STOM: variants seen among roughly 807,000 people sequenced by gnomAD.
STOM encodes erythrocyte band 7 integral membrane protein.
STOM carries 25 observed loss-of-function variants against 30.6 expected under a neutral mutation model. That is an observed-to-expected ratio of 0.82 (90% CI 0.60 to 1.14). The LOEUF is 1.14. Ranked by LOEUF, STOM falls within the 50% of genes most tolerant of loss-of-function variation. The probability of loss-of-function intolerance (pLI) is 0.00; values close to 1 mark genes in which losing one functional copy is unlikely to be tolerated. For synonymous variants in STOM, 118 were observed against 130.8 expected, an observed-to-expected ratio of 0.90 and a Z score of 0.67; for missense variants, 292 against 365.2, an observed-to-expected ratio of 0.80 and a Z score of 1.63.
Position 121,341,001 on chromosome 9 carries a change from C to A in STOM, c.*201G>T. On this transcript the variant is annotated 3_prime_UTR_variant, in exon 7 of 7. Transcript: ENST00000286713. The stretch of plus-strand genomic sequence containing the variant: ...ATACAAACTTTTAACTATTTTAAGA[C>A]TAACAGATTACCTTATATAAATCAC... The A allele has an allele frequency of 7.0e-7, 1 of 1,419,492 alleles. No homozygotes were observed. The highest frequency in any genetic ancestry group is 9.2e-7 in the Non-Finnish European group (1 of 1,091,340). 87.9% of individuals were successfully genotyped at this position (1,419,492 alleles called of 1,614,324 possible).
chr9:121,361,125 A>T (rs1331320018), intron 1 of STOM, among the ~76,000 whole-genome samples: 2 of 152,192 alleles, frequency 1.3e-5, no homozygotes, highest in Non-Finnish European at 2.9e-5. Flanking sequence ...TCTTAATTCC[A>T]GCTGTGTCTA....
chr9:121,352,491 C>T (rs927177941), intron 4 of STOM, among the ~76,000 whole-genome samples: 3 of 152,122 alleles, frequency 2.0e-5, no homozygotes, highest in African/African-American at 7.2e-5. Flanking sequence ...TCAAGTTTTG[C>T]TTTTTGGAAC....
intron 6 of STOM, among the ~76,000 whole-genome samples, chr9:121,341,700 GA>G (rs1294040967): frequency 7.2e-5 from 11 of 152,200 alleles, no homozygotes; most frequent in Non-Finnish European, 4.4e-5. Flanking sequence ...GCAGGATTGA[GA>G]AAGCAAGTAA....
intron 4 of STOM, among the ~76,000 whole-genome samples, 194 bp from the exon 5 acceptor site, chr9:121,349,517 A>C (rs913278780): frequency 1.3e-5 from 2 of 152,238 alleles, no homozygotes; most frequent in Admixed American, 1.3e-4. Flanking sequence ...TCATACAAAT[A>C]ATATTGAGAT....
chr9:121,346,231 C>T (rs1335586472), intron 6 of STOM, among the ~76,000 whole-genome samples: 1 of 152,180 alleles, frequency 6.6e-6, no homozygotes, highest in Non-Finnish European at 1.5e-5. Context: ...CTCAGGTGAT[C>T]CACCCACCTC....
At position 121,340,983 on chromosome 9, in the gene STOM, CT is replaced by C; in HGVS notation, c.*218del. 7.2e-7 allele frequency: 1 copy of C among 1,394,250 alleles called. No homozygotes were observed. The highest frequency in any genetic ancestry group is 9.3e-7 in the Non-Finnish European group (1 of 1,075,952). The allele number at this position is 1,394,250 out of a possible 1,614,324, so 86.4% of individuals were successfully genotyped here. A position where few individuals can be genotyped will look rare whatever the true frequency, so the allele number is the denominator to read the frequency against. ...CTACATAATAATCTAAAAATACAAA[CT>C]TTTAACTATTTTAAGACTAACAGAT... On this transcript the variant is annotated 3_prime_UTR_variant, in exon 7 of 7. Coordinates refer to ENST00000286713, the MANE Select transcript of STOM (RefSeq NM_004099.6).
chr9:121,355,021 A>T (rs975615600), intron 2 of STOM, among the ~76,000 whole-genome samples: 2 of 152,056 alleles, frequency 1.3e-5, no homozygotes, highest in Non-Finnish European at 2.9e-5. Flanking sequence ...GCATTTTGGA[A>T]GGCCGAGGTG....
intron 1 of STOM, among the ~76,000 whole-genome samples, chr9:121,356,571 C>T (rs111260906): frequency 1.1e-4 from 16 of 152,230 alleles, no homozygotes; most frequent in African/African-American, 3.1e-4. Context: ...TTTGAAGACA[C>T]AGAATGAGTT....
intron 2 of STOM, among the ~76,000 whole-genome samples, 156 bp downstream of exon 2, chr9:121,355,897 G>A (rs1381356817): frequency 2.0e-5 from 3 of 152,174 alleles, no homozygotes. Context: ...TAATAGGTGG[G>A]TAGAAGAATA....
intron 1 of STOM, chr9:121,366,279 A>T (rs1389646768): frequency 1.0e-6 from 1 of 984,592 alleles, no homozygotes; most frequent in Non-Finnish European, 1.2e-6. Flanking sequence ...GAAAGATTAA[A>T]AAAGAATGTA....
intron 1 of STOM, among the ~76,000 whole-genome samples, chr9:121,361,768 A>G (rs1356975331): frequency 1.3e-5 from 2 of 152,172 alleles, no homozygotes; most frequent in Non-Finnish European, 2.9e-5. Context: ...CTACTTTGCC[A>G]TAGTTTAGAG....
At chr9:121,364,624 G>C (rs1232784866) in intron 1 of STOM, among the ~76,000 whole-genome samples, 7 of 152,100 alleles carry the variant, frequency 4.6e-5, no homozygotes, top group Admixed American at 4.6e-4. Flanking sequence ...TCTTTGCTTA[G>C]CTCAAAAAGA....
chr9:121,355,245 A>T lies in STOM; in HGVS notation c.166-572T>A, dbSNP rs1219993828. ...TGACTCCGTCTCAAAAAAAAAAAAA[A>T]AAAAATAATAATAATAATAATAATC... On this transcript the variant is annotated intron_variant, in intron 2 of 6. Coordinates refer to ENST00000286713, the MANE Select transcript of STOM (RefSeq NM_004099.6). Among the ~76,000 whole-genome samples, 239 of 147,058 alleles carry T rather than the reference A, an allele frequency of 1.6e-3. 2 individuals are homozygous for T. Among genetic ancestry groups the T allele is most frequent in the African/African-American group, 3.5e-3 (139 of 39,616 alleles).
chr9:121,349,326 A>G lies in STOM; in HGVS notation c.322-3T>C. ...GTCACTGAATCCTTTGTGAGGATCT[A>G]CAAGATGAAGGAAGCAATTTTACAT... On this transcript the variant is annotated splice_region_variant and splice_polypyrimidine_tract_variant and intron_variant, in intron 4 of 6. Transcript: ENST00000286713. 6.2e-7 allele frequency: 1 copy of G among 1,613,858 alleles called. No homozygotes were observed. The highest frequency in any genetic ancestry group is 8.5e-7 in the Non-Finnish European group (1 of 1,179,724).
chr9:121,339,739 T>G lies in STOM; in HGVS notation c.*1463A>C. 8.1e-7 allele frequency: 1 copy of G among 1,228,858 alleles called. No homozygotes were observed. The highest frequency in any genetic ancestry group is 1.0e-6 in the Non-Finnish European group (1 of 986,378). 76.1% of individuals were successfully genotyped at this position (1,228,858 alleles called of 1,614,324 possible). Reference sequence around the variant, plus strand: ...CAAAACAGAAGATGTCTCCTAATATTATAGACTAAGAATTTGTTGTCCAGA... The same window carrying G: ...CAAAACAGAAGATGTCTCCTAATATGATAGACTAAGAATTTGTTGTCCAGA... On this transcript the variant is annotated 3_prime_UTR_variant, in exon 7 of 7. Coordinates refer to ENST00000286713, the MANE Select transcript of STOM (RefSeq NM_004099.6).
At chr9:121,351,687 C>T (rs1298584605) in intron 4 of STOM, among the ~76,000 whole-genome samples, 1 of 152,230 alleles carries the variant, frequency 6.6e-6, no homozygotes, top group Non-Finnish European at 1.5e-5. Flanking sequence ...AAAAACAGCA[C>T]TATACAAAGA....
chr9:121,348,903 A>G (rs906343358), intron 5 of STOM, among the ~76,000 whole-genome samples: 1 of 152,214 alleles, frequency 6.6e-6, no homozygotes, highest in Non-Finnish European at 1.5e-5. Context: ...CACACTGAAG[A>G]AAATTTTAAA....
chr9:121,356,034 T>C lies in STOM; in HGVS notation c.165+19A>G, dbSNP rs749387798. ...GTAGGAGTTGACCCCTTCCCAGAAG[T>C]GAATGAAATGTTCTTTACCTTTATG... On this transcript the variant is annotated intron_variant, in intron 2 of 6. Coordinates refer to ENST00000286713, the MANE Select transcript of STOM (RefSeq NM_004099.6). 2 of 1,607,806 alleles carry C rather than the reference T, an allele frequency of 1.2e-6. No individual in the cohort carries two copies. Among genetic ancestry groups the C allele is most frequent in the Non-Finnish European group, 8.5e-7 (1 of 1,174,850 alleles).
At chr9:121,354,807 T>C in intron 2 of STOM, 134 bp from the exon 3 acceptor site, 2 of 589,018 alleles carry the variant, frequency 3.4e-6, no homozygotes, top group Non-Finnish European at 5.8e-6. Context: ...ATCATATCTA[T>C]AAATCACATG....
Sources: allele counts gnomAD v4.1 joint callset (sites outside exome capture counted in the v4.1 genomes callset), GRCh38; gene constraint gnomAD v4.1.1; transcripts MANE v1.5; gene names NCBI Gene and HGNC (gene_info 2026-07-23, HGNC 2026-07-21).